Variants in ELP2 observed in about 807,000 individuals in gnomAD.
ELP2 encodes the protein elongator acetyltransferase complex subunit 2.
ELP2 carries 90 observed loss-of-function variants against 119.2 expected under a neutral mutation model. That is an observed-to-expected ratio of 0.75 (90% confidence interval 0.64 to 0.90). ELP2 has a LOEUF of 0.90. ELP2 is among the 40% of genes least tolerant of loss of function. The probability of loss-of-function intolerance (pLI) is 0.00; values close to 1 mark genes in which losing one functional copy is unlikely to be tolerated. For synonymous variants in ELP2, 339 were observed against 331.0 expected (o/e 1.02, Z -0.26); for missense variants, 921 against 967.8 (o/e 0.95, Z 0.64).
intron 13 of ELP2, 41 bp from the exon 14 acceptor site, chr18:36,158,793 AC>A: frequency 7.3e-7 from 1 of 1,364,820 alleles, no homozygotes; most frequent in South Asian, 1.2e-5. Context: ...AGCAAATAAA[AC>A]TTTAGCATTT....
At chr18:36,171,719 C>G (rs1245545908) in intron 21 of ELP2, among the ~76,000 whole-genome samples, 1 of 152,064 alleles carries the variant, frequency 6.6e-6, no homozygotes, top group Non-Finnish European at 1.5e-5. Flanking sequence ...AGGTTTTATT[C>G]TTTTTGTGTG....
intron 11 of ELP2, among the ~76,000 whole-genome samples, chr18:36,146,847 G>C (rs924004815): frequency 1.3e-5 from 2 of 152,110 alleles, no homozygotes; most frequent in Non-Finnish European, 2.9e-5. Context: ...AAAAAAAAGA[G>C]GTAGTCTTCT....
At chr18:36,133,371 G>A in intron 2 of ELP2, 55 bp downstream of exon 2, 1 of 1,361,698 alleles carries the variant, frequency 7.3e-7, no homozygotes, top group African/African-American at 1.4e-5. Context: ...ATAAAATAAG[G>A]TTAGCCATTT....
Position 36,174,948 on chromosome 18 carries a change from C to T in ELP2, c.*307C>T, listed in dbSNP as rs917438739. ...TCTCAGGTGATCTGCTTGCCTCGGC[C>T]TCCCAAAGTGCTGGGATTACAGGCG... On this transcript the variant is annotated 3_prime_UTR_variant, in exon 22 of 22. Coordinates refer to ENST00000358232, the MANE Select transcript of ELP2 (RefSeq NM_018255.4). The T allele has an allele frequency of 1.5e-5, 5 of 340,738 alleles. No individual in the cohort carries two copies. Among genetic ancestry groups the T allele is most frequent in the African/African-American group, 1.1e-4 (5 of 47,220 alleles). The allele number at this position is 340,738 out of a possible 1,614,324, so 21.1% of individuals were successfully genotyped here. A position where few individuals can be genotyped will look rare whatever the true frequency, so the allele number is the denominator to read the frequency against.
intron 1 of ELP2, among the ~76,000 whole-genome samples, chr18:36,132,339 G>A (rs1203359164): frequency 6.6e-6 from 1 of 152,174 alleles, no homozygotes; most frequent in Non-Finnish European, 1.5e-5. Context: ...GTGATAACGC[G>A]CGTGGCCACC....
chr18:36,133,227 C>G lies in ELP2; in HGVS notation c.139-11C>G. 1 of 1,595,684 alleles carries G rather than the reference C, an allele frequency of 6.3e-7. No homozygotes were observed. The highest frequency in any genetic ancestry group is 8.6e-7 in the Non-Finnish European group (1 of 1,163,478). ...AATTCCAGTTTACTAACTGTATTTTCTTCTCTAAAGAAAAGGGTTGTTGTT... is the reference window on the plus strand; with the variant it reads ...AATTCCAGTTTACTAACTGTATTTTGTTCTCTAAAGAAAAGGGTTGTTGTT... On this transcript the variant is annotated splice_polypyrimidine_tract_variant and intron_variant, in intron 1 of 21. Coordinates refer to ENST00000358232, the MANE Select transcript of ELP2 (RefSeq NM_018255.4).
rs916711940 is a variant in ELP2 at position 36,177,955 on chromosome 18, T to C, written c.*3314T>C. On this transcript the variant is annotated 3_prime_UTR_variant, in exon 22 of 22. Coordinates refer to ENST00000358232, the MANE Select transcript of ELP2 (RefSeq NM_018255.4). ...AAGGGGTGTTCACTGTACAATTCTT[T>C]CAACTTTTCTGCATGCTGGGAGTTT... 1 of 152,238 alleles carries C rather than the reference T, an allele frequency of 6.6e-6. No homozygotes were observed. The highest frequency in any genetic ancestry group is 1.5e-5 in the Non-Finnish European group (1 of 68,040). 9.4% of individuals were successfully genotyped at this position (152,238 alleles called of 1,614,324 possible). A position where few individuals can be genotyped will look rare whatever the true frequency, so the allele number is the denominator to read the frequency against.
intron 11 of ELP2, among the ~76,000 whole-genome samples, chr18:36,147,851 A>G (rs1436373555): frequency 2.0e-5 from 3 of 152,170 alleles, no homozygotes; most frequent in African/African-American, 7.2e-5. Flanking sequence ...TTTTATTAAC[A>G]CTTACTTTTT....
intron 5 of ELP2, chr18:36,139,628 G>A: frequency 6.7e-7 from 1 of 1,497,666 alleles, no homozygotes; most frequent in Non-Finnish European, 8.9e-7. Flanking sequence ...CTGGAGTTTT[G>A]TTTTTATTGT....
rs561853812 is a variant in ELP2, at chr18:36,149,483, G to GTTTTTTTTTTT, written c.1125+3106_1125+3107insTTTTTTTTTTT. Among the ~76,000 whole-genome samples the GTTTTTTTTTTT allele has an allele frequency of 5.2e-4, 53 of 101,796 alleles. 2 individuals carry two copies. The highest frequency in any genetic ancestry group is 6.8e-4 in the South Asian group (2 of 2,952). The allele number at this position is 101,796 out of a possible 152,430, so 66.8% of individuals were successfully genotyped here. ...ACATAGTTGCAGGGTTTTTTGTTTT[G>GTTTTTTTTTTT]TTTTGTTTTTTTTTTTTTTGCTTAG... On this transcript the variant is annotated intron_variant, in intron 11 of 21. Transcript: ENST00000358232.
chr18:36,136,212 G>T, intron 2 of ELP2, 95 bp from the exon 3 acceptor site: 1 of 865,714 alleles, frequency 1.2e-6, no homozygotes, highest in Non-Finnish European at 2.0e-6. Context: ...CTAGGTAGAG[G>T]GTACAGGGGT....
At chr18:36,165,431 G>A (rs540961736) in intron 18 of ELP2, among the ~76,000 whole-genome samples, 25 of 152,224 alleles carry the variant, frequency 1.6e-4, no homozygotes, top group Non-Finnish European at 3.1e-4. Context: ...GATAAGACTC[G>A]CATACAGTTT....
In ELP2 at chr18:36,177,080, C is replaced by CA. The variant is rs753230392; in HGVS notation, c.*2440dup. On this transcript the variant is annotated 3_prime_UTR_variant, in exon 22 of 22. Transcript: ENST00000358232. The stretch of plus-strand genomic sequence containing the variant: ...CGCTGGTCATTGATATGTATACTGA[C>CA]ATGTTTGAGGGAAGTTACTGTGGTC... 2 of 152,124 alleles carry CA rather than the reference C, an allele frequency of 1.3e-5. No individual in the cohort carries two copies. Among genetic ancestry groups the CA allele is most frequent in the Non-Finnish European group, 2.9e-5 (2 of 68,032 alleles). The allele number at this position is 152,124 out of a possible 1,614,324, so 9.4% of individuals were successfully genotyped here.
intron 11 of ELP2, among the ~76,000 whole-genome samples, chr18:36,151,982 C>T (rs898165343): frequency 8.6e-5 from 13 of 151,006 alleles, no homozygotes; most frequent in Non-Finnish European, 1.5e-4. Context: ...AACTCCTGAC[C>T]GCAAGTGACC....
Position 36,142,958 on chromosome 18 carries a change from A to G in ELP2, c.788A>G (p.Glu263Gly), listed in dbSNP as rs140841474. 1.2e-3 allele frequency: 1,942 copies of G among 1,586,270 alleles called. 3 individuals are homozygous for G. Among genetic ancestry groups the G allele is most frequent in the Non-Finnish European group, 1.4e-3 (1,593 of 1,159,324 alleles). Reference protein sequence around the residue: ...IRLKENTFTIENESVKIAFAV... With the variant: ...IRLKENTFTIGNESVKIAFAV... ...CTGAAAGAAAATACTTTTACCATAG[A>G]AAATGAAAGTGAGTAATAATGAAAA... The change falls in exon 8 of 22, where the codon GAA (glutamate) becomes GGA (glycine). Residue 263 changes from glutamate to glycine, a missense_variant. Transcript: ENST00000358232.
At chr18:36,153,888 A>G (rs1332425370) in intron 11 of ELP2, among the ~76,000 whole-genome samples, 1 of 151,474 alleles carries the variant, frequency 6.6e-6, no homozygotes, top group African/African-American at 2.4e-5. Flanking sequence ...CCCCCACTAC[A>G]TTGTTACAGT....
chr18:36,172,021 A>C (rs531812388), intron 21 of ELP2, among the ~76,000 whole-genome samples: 1 of 152,268 alleles, frequency 6.6e-6, no homozygotes, highest in South Asian at 2.1e-4. Context: ...TGCCTGGCCC[A>C]CATTTTATTC....
chr18:36,171,228 T>G (rs1568030653), intron 21 of ELP2, 68 bp downstream of exon 21: 3 of 1,062,228 alleles, frequency 2.8e-6, no homozygotes, highest in East Asian at 5.1e-5. Flanking sequence ...TGGCAAATTT[T>G]ATGCCACATT....
chr18:36,149,605 T>C (rs1178808970), intron 11 of ELP2, among the ~76,000 whole-genome samples: 2 of 151,506 alleles, frequency 1.3e-5, no homozygotes, highest in African/African-American at 4.9e-5. Flanking sequence ...AAAAAATTTT[T>C]TTGAGGCGAT....
Sources: gnomAD v4.1 joint callset for allele counts (sites outside exome capture counted in the v4.1 genomes callset) on GRCh38, gnomAD v4.1.1 for gene constraint, MANE v1.5 for transcripts, NCBI Gene and HGNC (gene_info 2026-07-23, HGNC 2026-07-21) for gene names.